GABRG1: variants seen among roughly 807,000 people sequenced by gnomAD.
The protein encoded by GABRG1 is gamma-aminobutyric acid receptor subunit gamma-1.
GABRG1 carries 49 observed loss-of-function variants against 49.8 expected under a neutral mutation model. The observed-to-expected ratio is 0.98, with a 90% CI of 0.78 to 1.25. The LOEUF is 1.25. Ranked by LOEUF, GABRG1 falls within the 50% of genes most tolerant of loss-of-function variation. The pLI, the probability that GABRG1 is intolerant of heterozygous loss-of-function variation, is 0.00. For synonymous variants in GABRG1, 232 were observed against 185.1 expected (o/e 1.25, Z -2.06); for missense variants, 552 against 552.3 (o/e 1.00, Z 0.01).
intron 1 of GABRG1, among the ~76,000 whole-genome samples, chr4:46,103,669 C>T (rs1168486926): frequency 1.3e-5 from 2 of 151,234 alleles, no homozygotes; most frequent in Non-Finnish European, 3.0e-5. Context: ...TAAATATGTT[C>T]AGAAATCATG....
intron 1 of GABRG1, among the ~76,000 whole-genome samples, chr4:46,105,607 C>T (rs1720507682): frequency 6.6e-6 from 1 of 151,452 alleles, no homozygotes; most frequent in Non-Finnish European, 1.5e-5. Flanking sequence ...TGTTATTACA[C>T]TACATAACAT....
In GABRG1 at chr4:46,041,022, T is replaced by C; in HGVS notation, c.1364A>G (p.Asn455Ser). Residue 455 changes from asparagine (N) to serine (S), a missense_variant, in exon 9 of 9, where the codon AAC becomes AGC. By Grantham distance (46) the Asn-to-Ser change is conservative. Coordinates refer to ENST00000295452, the MANE Select transcript of GABRG1 (RefSeq NM_173536.4). ...AAGATAGCCAACCCAATAAACCAAG[T>C]TGAACAGGGCAAAAGCGGTTGGGAA... ...IFFPTAFALF[N>S]LVYWVGYLYL The C allele has an allele frequency of 6.2e-7, 1 of 1,612,556 alleles. No homozygotes were observed. Among genetic ancestry groups the C allele is most frequent in the Non-Finnish European group, 8.5e-7 (1 of 1,179,014 alleles).
chr4:46,113,272 A>G (rs1163733499), intron 1 of GABRG1, among the ~76,000 whole-genome samples: 1 of 151,136 alleles, frequency 6.6e-6, no homozygotes, highest in African/African-American at 2.4e-5. Flanking sequence ...GCTTCAGTAA[A>G]CTTACAATCA....
chr4:46,092,860 G>GAGACCAGC (rs60002597), intron 2 of GABRG1, among the ~76,000 whole-genome samples: 1 of 151,642 alleles, frequency 6.6e-6, no homozygotes, highest in Non-Finnish European at 1.5e-5. Context: ...TCAGGAGTTT[G>GAGACCAGC]AGACCAGCAG....
intron 2 of GABRG1, among the ~76,000 whole-genome samples, chr4:46,090,982 A>ACG (rs1272203732): frequency 1.3e-5 from 2 of 151,226 alleles, no homozygotes. Flanking sequence ...ACACACACAC[A>ACG]CACACACACA....
chr4:46,112,029 A>C (rs1465546512), intron 1 of GABRG1, among the ~76,000 whole-genome samples: 1 of 151,306 alleles, frequency 6.6e-6, no homozygotes, highest in Non-Finnish European at 1.5e-5. Context: ...CAGAGCAAAA[A>C]CAACTGTCAA....
chr4:46,107,772 C>T (rs1412252196), intron 1 of GABRG1, among the ~76,000 whole-genome samples: 1 of 151,066 alleles, frequency 6.6e-6, no homozygotes, highest in Non-Finnish European at 1.5e-5. Context: ...AACTTTCCAA[C>T]TGAACAATAC....
intron 1 of GABRG1, among the ~76,000 whole-genome samples, chr4:46,109,967 G>A (rs1261892891): frequency 6.6e-6 from 1 of 151,078 alleles, no homozygotes; most frequent in East Asian, 2.0e-4. Context: ...TCCATGTGCA[G>A]ATGAGAAAAA....
chr4:46,078,986 T>C (rs1197815100), intron 3 of GABRG1, among the ~76,000 whole-genome samples: 4 of 151,856 alleles, frequency 2.6e-5, no homozygotes, highest in Non-Finnish European at 4.4e-5. Flanking sequence ...AACAATATTA[T>C]TGAGAAAAAT....
chr4:46,059,056 T>G (rs1285515146), intron 5 of GABRG1, among the ~76,000 whole-genome samples: 2 of 152,174 alleles, frequency 1.3e-5, no homozygotes, highest in African/African-American at 4.8e-5. Context: ...GCATATTATT[T>G]TTTTCTTCTT....
At chr4:46,099,709 A>T (rs1720312105) in intron 1 of GABRG1, among the ~76,000 whole-genome samples, 1 of 151,744 alleles carries the variant, frequency 6.6e-6, no homozygotes, top group Non-Finnish European at 1.5e-5. Flanking sequence ...AGTTAAGTAT[A>T]TCACTAAAGT....
chr4:46,062,361 C>A (rs1203660722), intron 5 of GABRG1, among the ~76,000 whole-genome samples: 1 of 152,050 alleles, frequency 6.6e-6, no homozygotes, highest in Admixed American at 6.6e-5. Flanking sequence ...TTTATAGCAG[C>A]ATGATCTATA....
rs1215966785 is a variant in GABRG1 at position 46,047,665 on chromosome 4, ATTG to A, written c.1131+3756_1131+3758del. On this transcript the variant is annotated intron_variant, in intron 8 of 8. Coordinates refer to ENST00000295452, the MANE Select transcript of GABRG1 (RefSeq NM_173536.4). ...TTATGTTTTTATAAAAAATAAAAAT[ATTG>A]TTATTTAAAAATAATAAAATATCTT... Among the ~76,000 whole-genome samples, 7 of 151,874 alleles carry A rather than the reference ATTG, an allele frequency of 4.6e-5. No individual in the cohort carries two copies. In the East Asian group the frequency reaches 9.7e-4, roughly 21 times the overall value.
chr4:46,039,400 A>C lies in GABRG1; in HGVS notation c.*1588T>G, dbSNP rs1717668837. The C allele has an allele frequency of 6.6e-6, 1 of 151,672 alleles. No homozygotes were observed. Among genetic ancestry groups the C allele is most frequent in the Non-Finnish European group, 1.5e-5 (1 of 67,722 alleles). The allele number at this position is 151,672 out of a possible 1,614,324, so 9.4% of individuals were successfully genotyped here. ...TAATTAAAAATTTAAAAAACTAGAT[A>C]TTTCCAATACACGTGTATAATCATG... On this transcript the variant is annotated 3_prime_UTR_variant, in exon 9 of 9. Transcript: ENST00000295452.
intron 5 of GABRG1, among the ~76,000 whole-genome samples, chr4:46,062,051 A>G (rs1577640295): frequency 1.9e-5 from 2 of 103,118 alleles, no homozygotes; most frequent in East Asian, 2.9e-4. Context: ...AACAGTCCCC[A>G]GAGTGTGATG....
In GABRG1 at chr4:46,036,748, T is replaced by C. The variant is rs1298184315; in HGVS notation, c.*4240A>G. On this transcript the variant is annotated 3_prime_UTR_variant, in exon 9 of 9. Transcript: ENST00000295452. ...GCTTATACGCCTAACTGGCTTGTTA[T>C]ATTCCAAACCATCACACACAAATAA... 1 of 152,022 alleles carries C rather than the reference T, an allele frequency of 6.6e-6. No individual in the cohort carries two copies. Among genetic ancestry groups the C allele is most frequent in the Non-Finnish European group, 1.5e-5 (1 of 67,902 alleles). The allele number at this position is 152,022 out of a possible 1,614,324, so 9.4% of individuals were successfully genotyped here.
chr4:46,098,136 C>T (rs963199083), intron 1 of GABRG1, among the ~76,000 whole-genome samples: 7 of 151,688 alleles, frequency 4.6e-5, no homozygotes, highest in Admixed American at 4.0e-4. Context: ...CAAACATTGC[C>T]TCTCCAACTA....
Position 46,040,132 on chromosome 4 carries a change from TAAAG to T in GABRG1, c.*852_*855del, listed in dbSNP as rs1217324316. ...GGGACTGCAACACTTTCATAAAACA[TAAAG>T]AAAAAAATAATCATTTCTCTCTGCA... On this transcript the variant is annotated 3_prime_UTR_variant, in exon 9 of 9. Transcript: ENST00000295452. The T allele has an allele frequency of 2.6e-5, 4 of 151,784 alleles. No individual in the cohort carries two copies. Among genetic ancestry groups the T allele is most frequent in the African/African-American group, 9.7e-5 (4 of 41,412 alleles). 9.4% of individuals were successfully genotyped at this position (151,784 alleles called of 1,614,324 possible). A position where few individuals can be genotyped will look rare whatever the true frequency, so the allele number is the denominator to read the frequency against.
In GABRG1 at chr4:46,058,630, G is replaced by T. The variant is rs1560352642; in HGVS notation, c.626-8C>A. ...CATTTTTAGGGTATCCATCTATAGA[G>T]AAAAAATACATAGATTAGCAAGATC... is the stretch of plus-strand genomic sequence containing the variant. On this transcript the variant is annotated splice_region_variant and splice_polypyrimidine_tract_variant and intron_variant, in intron 5 of 8. Coordinates refer to ENST00000295452, the MANE Select transcript of GABRG1 (RefSeq NM_173536.4). 4.4e-6 allele frequency: 7 copies of T among 1,603,374 alleles called. No individual in the cohort carries two copies. Among genetic ancestry groups the T allele is most frequent in the Middle Eastern group, 3.3e-4 (2 of 5,992 alleles).
Sources: allele counts gnomAD v4.1 joint callset (sites outside exome capture counted in the v4.1 genomes callset), GRCh38; gene constraint gnomAD v4.1.1; transcripts MANE v1.5; gene names NCBI Gene and HGNC (gene_info 2026-07-23, HGNC 2026-07-21).